The following SEC62 variants were observed in gnomAD, a reference collection of about 807,000 sequenced individuals.
SEC62 encodes translocation protein SEC62.
SEC62 carries 10 observed loss-of-function variants against 47.5 expected under a neutral mutation model. The ratio of observed to expected loss-of-function variants is 0.21; its 90% CI spans 0.13 to 0.36. SEC62 has a LOEUF of 0.36. Ranked by LOEUF, SEC62 falls within the 10% of genes least tolerant of loss-of-function variation. The pLI is 1.00. For synonymous variants in SEC62, 136 were observed against 150.5 expected (o/e 0.90, Z 0.71); for missense variants, 327 against 464.1 (o/e 0.70, Z 2.71).
At chr3:169,983,021 T>TA in intron 4 of SEC62, 110 bp downstream of exon 4, 1 of 1,486,526 alleles carries the variant, frequency 6.7e-7, no homozygotes, top group Non-Finnish European at 9.0e-7. Context: ...GAGATAACTA[T>TA]ATTAGAGTTG....
At chr3:169,979,303 C>A (rs768750248) in intron 3 of SEC62, among the ~76,000 whole-genome samples, 2 of 152,140 alleles carry the variant, frequency 1.3e-5, no homozygotes, top group African/African-American at 4.8e-5. Context: ...GGTCTCTTGA[C>A]CAGTTTCTTT....
rs1239962545 is a variant in SEC62, at chr3:169,988,349, C to T, written c.720C>T (p.Leu240=). The change falls in exon 7 of 8, where the codon CTC becomes CTT. Residue 240 remains leucine, a synonymous_variant. Transcript: ENST00000337002. ...GCTGTTTTGTAGCCAGTATTCTTCT[C>T]CTTGCTGTTGGTAAGTATTGTTATT... The part of the protein sequence containing the change: ...GAGCFVASIL[L]LAVARCILFL... 5 of 1,613,446 alleles carry T rather than the reference C, an allele frequency of 3.1e-6. No individual in the cohort carries two copies. The highest frequency in any genetic ancestry group is 4.2e-6 in the Non-Finnish European group (5 of 1,179,564).
Position 169,993,242 on chromosome 3 carries a change from G to T in SEC62, c.*179G>T, listed in dbSNP as rs34576140. 4,918 of 576,106 alleles carry T rather than the reference G, an allele frequency of 8.5e-3. 269 individuals are homozygous for T. In the South Asian group the frequency reaches 0.095, roughly 11 times the overall value. The allele number at this position is 576,106 out of a possible 1,614,324, so 35.7% of individuals were successfully genotyped here. A position where few individuals can be genotyped will look rare whatever the true frequency, so the allele number is the denominator to read the frequency against. On this transcript the variant is annotated 3_prime_UTR_variant, in exon 8 of 8. Coordinates refer to ENST00000337002, the MANE Select transcript of SEC62 (RefSeq NM_003262.4). ...TTTATAGAATATTGGCACTATTATT[G>T]GTACAGTTTAAAGCCATTAATATGT...
chr3:169,975,779 G>A (rs1576857180), intron 2 of SEC62, 63 bp downstream of exon 2: 1 of 1,159,834 alleles, frequency 8.6e-7, no homozygotes, highest in Non-Finnish European at 1.3e-6. Flanking sequence ...CTACATTTGG[G>A]ATATGTAGAA....
At chr3:169,976,157 G>C (rs1326438895) in intron 2 of SEC62, among the ~76,000 whole-genome samples, 1 of 152,134 alleles carries the variant, frequency 6.6e-6, no homozygotes, top group Non-Finnish European at 1.5e-5. Flanking sequence ...AACACTTTGG[G>C]AAGCCAAGGC....
rs779175142 is a variant in SEC62, at chr3:169,977,077, T to C, written c.251+26T>C. On this transcript the variant is annotated intron_variant, in intron 3 of 7. Coordinates refer to ENST00000337002, the MANE Select transcript of SEC62 (RefSeq NM_003262.4). Reference sequence around the variant, plus strand: ...GTACTGTTTATTTCTTAGTGAAGAATAACATAATAATTTTAAATTTTCTTC... The same window carrying C: ...GTACTGTTTATTTCTTAGTGAAGAACAACATAATAATTTTAAATTTTCTTC... 22 of 1,507,960 alleles carry C rather than the reference T, an allele frequency of 1.5e-5. No individual in the cohort carries two copies. The Admixed American group carries it at 4.0e-4, about 27-fold the overall frequency. 93.4% of individuals were successfully genotyped at this position (1,507,960 alleles called of 1,614,324 possible). A position where few individuals can be genotyped will look rare whatever the true frequency, so the allele number is the denominator to read the frequency against.
intron 6 of SEC62, among the ~76,000 whole-genome samples, chr3:169,987,950 G>A (rs888131622): frequency 6.6e-6 from 1 of 152,070 alleles, no homozygotes; most frequent in Non-Finnish European, 1.5e-5. Context: ...TTGAAAAAGG[G>A]GGCAGTTGAT....
chr3:169,986,532 C>T (rs1423162870), intron 6 of SEC62, among the ~76,000 whole-genome samples: 1 of 151,620 alleles, frequency 6.6e-6, no homozygotes, highest in Non-Finnish European at 1.5e-5. Context: ...GATATTATAC[C>T]TAGAATAGAT....
At chr3:169,990,509 A>G (rs1715224071) in intron 7 of SEC62, among the ~76,000 whole-genome samples, 1 of 151,958 alleles carries the variant, frequency 6.6e-6, no homozygotes, top group South Asian at 2.1e-4. Flanking sequence ...AAACATGAAC[A>G]TTTTGCCATA....
intron 7 of SEC62, among the ~76,000 whole-genome samples, chr3:169,988,730 A>G (rs574659908): frequency 5.9e-5 from 9 of 152,248 alleles, no homozygotes; most frequent in Admixed American, 2.0e-4. Context: ...ATTGTGAGAC[A>G]TTTGAAATTT....
intron 2 of SEC62, among the ~76,000 whole-genome samples, chr3:169,975,967 CT>C (rs1040408433): frequency 3.3e-5 from 5 of 152,028 alleles, no homozygotes; most frequent in African/African-American, 7.2e-5. Flanking sequence ...AAAATACTAC[CT>C]TTTGTTTAGA....
At chr3:169,985,917 CAA>C (rs756016086) in intron 6 of SEC62, 52 bp downstream of exon 6, 1 of 1,247,884 alleles carries the variant, frequency 8.0e-7, no homozygotes, top group Non-Finnish European at 1.2e-6. Flanking sequence ...ATTTAGAAAA[CAA>C]TATGCAGATA....
chr3:169,981,140 A>G (rs1056756752), intron 3 of SEC62, among the ~76,000 whole-genome samples: 7 of 152,234 alleles, frequency 4.6e-5, no homozygotes, highest in African/African-American at 1.7e-4. Context: ...TTATATATGT[A>G]TATGTATTCA....
intron 3 of SEC62, among the ~76,000 whole-genome samples, chr3:169,978,918 C>T (rs954623380): frequency 1.3e-5 from 2 of 152,152 alleles, no homozygotes; most frequent in Non-Finnish European, 2.9e-5. Flanking sequence ...TCTCCACAGT[C>T]TGTGTTCTTA....
intron 2 of SEC62, among the ~76,000 whole-genome samples, chr3:169,976,642 T>C (rs537729596): frequency 1.3e-5 from 2 of 152,350 alleles, no homozygotes; most frequent in South Asian, 4.1e-4. Context: ...TTGTGATTAA[T>C]AAGAGTGATA....
rs1159377761 is a variant in SEC62 at position 169,992,266 on chromosome 3, T to C, written c.731-328T>C. Reference sequence around the variant, plus strand: ...AATTTTTTTCAGTGACATTATTGCATTGTGACCTCAAGTTCAGAGCAACAT... The same window carrying C: ...AATTTTTTTCAGTGACATTATTGCACTGTGACCTCAAGTTCAGAGCAACAT... On this transcript the variant is annotated intron_variant, in intron 7 of 7. Coordinates refer to ENST00000337002, the MANE Select transcript of SEC62 (RefSeq NM_003262.4). The surrounding 1 kb of genome is among the most constrained non-coding windows in gnomAD (Gnocchi z 4.0). 6.6e-6 allele frequency among the ~76,000 whole-genome samples: 1 copy of C among 152,190 alleles called. No homozygotes were observed. Among genetic ancestry groups the C allele is most frequent in the Non-Finnish European group, 1.5e-5 (1 of 68,030 alleles).
At chr3:169,987,084 G>A (rs1476777100) in intron 6 of SEC62, among the ~76,000 whole-genome samples, 2 of 151,888 alleles carry the variant, frequency 1.3e-5, no homozygotes, top group Admixed American at 6.6e-5. Context: ...AAAATAGGTA[G>A]CAGTTAAAAT....
Position 169,994,463 on chromosome 3 carries a change from T to C in SEC62, c.*1400T>C, listed in dbSNP as rs1192409568. The C allele has an allele frequency of 6.6e-6, 1 of 152,666 alleles. No homozygotes were observed. The highest frequency in any genetic ancestry group is 1.5e-5 in the Non-Finnish European group (1 of 68,028). 9.5% of individuals were successfully genotyped at this position (152,666 alleles called of 1,614,324 possible). On this transcript the variant is annotated 3_prime_UTR_variant, in exon 8 of 8. Coordinates refer to ENST00000337002, the MANE Select transcript of SEC62 (RefSeq NM_003262.4). ...TAAATTTTTCTAATTGTGAAAAATATGTTTTCTGTATCGACACATTTTATT... is the reference window on the plus strand; with the variant it reads ...TAAATTTTTCTAATTGTGAAAAATACGTTTTCTGTATCGACACATTTTATT...
chr3:169,973,195 T>A lies in SEC62; in HGVS notation c.37-2413T>A, dbSNP rs376574950. Among the ~76,000 whole-genome samples, 78 of 152,366 alleles carry A rather than the reference T, an allele frequency of 5.1e-4. 1 individual carries two copies. The highest frequency in any genetic ancestry group is 1.8e-3 in the African/African-American group (76 of 41,586). ...AAATACTATCATTTAATATGCCTGA[T>A]ACTAACATATATTAATATATTTTAG... On this transcript the variant is annotated intron_variant, in intron 1 of 7. Coordinates refer to ENST00000337002, the MANE Select transcript of SEC62 (RefSeq NM_003262.4).
Sources: gnomAD v4.1 joint callset for allele counts (sites outside exome capture counted in the v4.1 genomes callset) on GRCh38, gnomAD v4.1.1 for gene constraint, Gnocchi (gnomAD v3.1) non-coding constraint, MANE v1.5 for transcripts, NCBI Gene and HGNC (gene_info 2026-07-23, HGNC 2026-07-21) for gene names.